The following CA5A variants were observed in gnomAD, a reference collection of about 807,000 sequenced individuals.
CA5A encodes the protein carbonic anhydrase 5A, also known as carbonic anhydrase 5A, mitochondrial.
CA5A carries 28 observed loss-of-function variants against 37.1 expected under a neutral mutation model. The observed-to-expected ratio is 0.75, with a 90% CI of 0.56 to 1.03. The LOEUF (loss-of-function observed/expected upper bound fraction) is 1.03. Among genes scored for constraint, CA5A ranks in the 50% least tolerant of loss-of-function variants. The pLI is 0.00. For synonymous variants in CA5A, 171 were observed against 158.4 expected, an observed-to-expected ratio of 1.08 and a Z score of -0.60; for missense variants, 444 against 399.9, an observed-to-expected ratio of 1.11 and a Z score of -0.94.
At chr16:87,935,827 G>A (rs2056463194) in intron 1 of CA5A, among the ~76,000 whole-genome samples, 1 of 151,980 alleles carries the variant, frequency 6.6e-6, no homozygotes, top group Non-Finnish European at 1.5e-5. Flanking sequence ...AGTGAGCCGA[G>A]ATCATGCCAT....
intron 2 of CA5A, among the ~76,000 whole-genome samples, chr16:87,915,699 A>G (rs143690071): frequency 0.31 from 41,786 of 136,938 alleles, 6,367 homozygotes; most frequent in African/African-American, 0.38. Context: ...CAAAAAAAAA[A>G]AAAAAAAAAA....
intron 2 of CA5A, among the ~76,000 whole-genome samples, chr16:87,912,357 A>G (rs1286936452): frequency 1.3e-5 from 2 of 152,190 alleles, no homozygotes; most frequent in African/African-American, 2.4e-5. Context: ...TGCCATCACC[A>G]TCATCTCACC....
chr16:87,917,785 CAT>C (rs907574828), intron 2 of CA5A, among the ~76,000 whole-genome samples: 1,711 of 144,452 alleles, frequency 0.012, 30 homozygotes, highest in African/African-American at 0.046. Flanking sequence ...CACATGCACA[CAT>C]GTATACACAG....
chr16:87,910,998 C>T (rs1324660312), intron 2 of CA5A, among the ~76,000 whole-genome samples: 4 of 151,866 alleles, frequency 2.6e-5, no homozygotes, highest in Non-Finnish European at 5.9e-5. Flanking sequence ...GATCTGCCGC[C>T]TCAGCCTCCC....
rs2055718058 is a variant in CA5A, at chr16:87,891,796, C to A, written c.774+3G>T. On this transcript the variant is annotated splice_donor_region_variant and intron_variant, in intron 6 of 6. Transcript: ENST00000649794. ...CATCGTGCCAGTTACGGGCACGGCTCACCTGGCTTGGGGCCACTTCAACGG... is the reference window on the plus strand; with the variant it reads ...CATCGTGCCAGTTACGGGCACGGCTAACCTGGCTTGGGGCCACTTCAACGG... 6.6e-7 allele frequency: 1 copy of A among 1,505,922 alleles called. No individual in the cohort carries two copies. The highest frequency in any genetic ancestry group is 8.8e-7 in the Non-Finnish European group (1 of 1,131,084). The allele number at this position is 1,505,922 out of a possible 1,614,324, so 93.3% of individuals were successfully genotyped here. A position where few individuals can be genotyped will look rare whatever the true frequency, so the allele number is the denominator to read the frequency against.
chr16:87,926,106 C>G (rs2144066925), intron 2 of CA5A, among the ~76,000 whole-genome samples: 1 of 152,076 alleles, frequency 6.6e-6, no homozygotes, highest in East Asian at 1.9e-4. Flanking sequence ...ACCTGTAATC[C>G]CAGTTACTCA....
intron 2 of CA5A, among the ~76,000 whole-genome samples, chr16:87,925,068 C>T (rs1399221400): frequency 5.9e-5 from 9 of 152,196 alleles, no homozygotes; most frequent in African/African-American, 1.4e-4. Flanking sequence ...CCTGCCCCAG[C>T]GGAGTTACAT....
At chr16:87,886,361 C>T (rs2055648268), downstream of CA5A, 1 of 152,092 alleles carries the variant, frequency 6.6e-6, no homozygotes, top group Non-Finnish European at 1.5e-5. Context: ...GTTGGTCAGG[C>T]TAGTCTGGAA....
At position 87,926,867 on chromosome 16, in the gene CA5A, C is replaced by G; in HGVS notation, c.221G>C (p.Ser74Thr). The G allele has an allele frequency of 6.2e-7, 1 of 1,613,148 alleles. No homozygotes were observed. The highest frequency in any genetic ancestry group is 8.5e-7 in the Non-Finnish European group (1 of 1,179,484). The change falls in exon 2 of 7, where the codon AGC becomes ACC. Residue 74 changes from serine (S) to threonine (T), a missense_variant. Coordinates refer to ENST00000649794, the MANE Select transcript of CA5A (RefSeq NM_001739.2). ...QSPINIQWRD[S>T]VYDPQLKPLR... ...TGGCTTCAGCTGGGGGTCATAGACG[C>G]TGTCCCTCCACTGGATGTTAATAGG...
At chr16:87,908,989 A>ATTTTTTTTTTTTTTTTTTTT (rs60201296) in intron 2 of CA5A, among the ~76,000 whole-genome samples, 1 of 139,360 alleles carries the variant, frequency 7.2e-6, no homozygotes, top group African/African-American at 2.7e-5. Flanking sequence ...ACACCCGGCT[A>ATTTTTTTTTTTTTTTTTTTT]TTTTTTTTTT....
intron 4 of CA5A, 48 bp from the exon 5 acceptor site, chr16:87,902,022 G>C (rs73239028): frequency 0.089 from 136,265 of 1,532,422 alleles, 7,838 homozygotes; most frequent in African/African-American, 0.26. Flanking sequence ...AGTGGATGGG[G>C]GGGGAAGCTC....
intron 2 of CA5A, among the ~76,000 whole-genome samples, chr16:87,922,207 C>T (rs530260493): frequency 1.3e-5 from 2 of 152,074 alleles, no homozygotes; most frequent in Admixed American, 1.3e-4. Context: ...GTCAGCCCCC[C>T]ATAAAATTAG....
In CA5A at chr16:87,905,093, C is replaced by G. The variant is rs7193111; in HGVS notation, c.341-189G>C. Among the ~76,000 whole-genome samples the G allele has an allele frequency of 6.6e-5, 10 of 151,944 alleles. No individual in the cohort carries two copies. The East Asian group carries it at 7.8e-4, about 12-fold the overall frequency. Reference sequence around the variant, plus strand: ...TGTCTGTCCCATTCACTCTGCCCCCCCCCAGCCCAGCGCCTGCCCAGAGGT... The same window carrying G: ...TGTCTGTCCCATTCACTCTGCCCCCGCCCAGCCCAGCGCCTGCCCAGAGGT... On this transcript the variant is annotated intron_variant, in intron 2 of 6. Coordinates refer to ENST00000649794, the MANE Select transcript of CA5A (RefSeq NM_001739.2).
At chr16:87,898,299 C>G (rs1042898295) in intron 5 of CA5A, among the ~76,000 whole-genome samples, 3 of 152,232 alleles carry the variant, frequency 2.0e-5, no homozygotes, top group Non-Finnish European at 4.4e-5. Flanking sequence ...TGGGTGAGAA[C>G]TGCTGAGTCC....
intron 5 of CA5A, among the ~76,000 whole-genome samples, chr16:87,895,343 C>G (rs560749026): frequency 6.6e-6 from 1 of 152,092 alleles, no homozygotes; most frequent in African/African-American, 2.4e-5. Context: ...GTCAGGAGTT[C>G]GAGACCAGCC....
At chr16:87,883,946 C>G (rs1450788921), downstream of CA5A, 1 of 151,674 alleles carries the variant, frequency 6.6e-6, no homozygotes, top group Non-Finnish European at 1.5e-5. Context: ...CTGACCTAAC[C>G]TACTTATTCT....
chr16:87,901,315 G>A (rs1208078222), intron 5 of CA5A, among the ~76,000 whole-genome samples: 2 of 152,302 alleles, frequency 1.3e-5, no homozygotes, highest in East Asian at 1.9e-4. Flanking sequence ...TCAGGATCTC[G>A]CCTGCATGGC....
chr16:87,893,747 A>G, intron 5 of CA5A: 1 of 468,110 alleles, frequency 2.1e-6, no homozygotes, highest in Non-Finnish European at 4.1e-6. Flanking sequence ...AAAATCAGAG[A>G]GGATTATTTT....
At chr16:87,935,286 G>A (rs1334649719) in intron 1 of CA5A, among the ~76,000 whole-genome samples, 117 of 152,222 alleles carry the variant, frequency 7.7e-4, no homozygotes, top group Non-Finnish European at 2.5e-4. Context: ...GAAGGGCCTC[G>A]TTCAAGGTCA....
Sources: gnomAD v4.1 joint callset for allele counts (sites outside exome capture counted in the v4.1 genomes callset) on GRCh38, gnomAD v4.1.1 for gene constraint, MANE v1.5 for transcripts, NCBI Gene and HGNC (gene_info 2026-07-23, HGNC 2026-07-21) for gene names.